RBFOX1: variants seen among roughly 807,000 people sequenced by gnomAD.
The protein encoded by RBFOX1 is RNA binding protein fox-1 homolog 1.
In RBFOX1, 8 loss-of-function variants were observed where a neutral mutation model predicts 57.7. The observed-to-expected ratio is 0.14, with a 90% confidence interval of 0.08 to 0.25. The LOEUF is 0.25. Ranked by LOEUF, RBFOX1 falls within the 10% of genes least tolerant of loss-of-function variation. The pLI is 1.00. For missense variants in RBFOX1, 611 were observed against 548.5 expected (o/e 1.11, Z -1.14); for synonymous variants, 326 against 222.4 (o/e 1.47, Z -4.15).
rs867346018 is a variant in RBFOX1 at position 6,637,326 on chromosome 16, T to A, written c.-63-17277T>A. 2.8e-3 allele frequency among the ~76,000 whole-genome samples: 65 copies of A among 23,124 alleles called. 1 individual carries two copies. The highest frequency in any genetic ancestry group is 0.056 in the Middle Eastern group (1 of 18). The allele number at this position is 23,124 out of a possible 152,430, so 15.2% of individuals were successfully genotyped here. On this transcript the variant is annotated intron_variant, in intron 2 of 15. Coordinates refer to ENST00000550418, the MANE Select transcript of RBFOX1 (RefSeq NM_018723.4). ...AAATATATATTATATATTATATATA[T>A]TATATAATATACAAATATATATTAT...
At chr16:7,055,245 C>G (rs189850571) in intron 4 of RBFOX1, among the ~76,000 whole-genome samples, 1 of 152,036 alleles carries the variant, frequency 6.6e-6, no homozygotes, top group Non-Finnish European at 1.5e-5. Context: ...CAGCTGACTA[C>G]GCAACACTTT....
Position 6,571,522 on chromosome 16 carries a change from G to A in RBFOX1, c.-63-83081G>A, listed in dbSNP as rs187719736. On this transcript the variant is annotated intron_variant, in intron 2 of 15. Coordinates refer to ENST00000550418, the MANE Select transcript of RBFOX1 (RefSeq NM_018723.4). Reference sequence around the variant, plus strand: ...CTACTTGGGTGAAATAAAAGGCAAGGGGTTTGTGTGCTGGGGTAGTCGGGG... The same window carrying A: ...CTACTTGGGTGAAATAAAAGGCAAGAGGTTTGTGTGCTGGGGTAGTCGGGG... Among the ~76,000 whole-genome samples the A allele has an allele frequency of 7.3e-3, 1,107 of 152,210 alleles. 15 individuals are homozygous for A. Among genetic ancestry groups the A allele is most frequent in the Non-Finnish European group, 0.013 (874 of 68,012 alleles).
At chr16:6,038,029 G>A (rs1454099987) in intron 1 of RBFOX1, 1 of 152,168 alleles carries the variant, frequency 6.6e-6, no homozygotes, top group Non-Finnish European at 1.5e-5. Context: ...AGTTAGAGAA[G>A]ATGGGAAGCA....
chr16:7,280,704 G>T (rs568595777), intron 4 of RBFOX1, among the ~76,000 whole-genome samples: 31 of 152,284 alleles, frequency 2.0e-4, no homozygotes, highest in African/African-American at 6.7e-4. Context: ...TTTTGGACCA[G>T]ATTGATAGTT....
chr16:7,624,876 C>A (rs1170625658), intron 10 of RBFOX1, among the ~76,000 whole-genome samples: 1 of 152,052 alleles, frequency 6.6e-6, no homozygotes, highest in African/African-American at 2.4e-5. Context: ...TGGTTTTGCG[C>A]CGATTGGATT....
chr16:6,565,246 TTTTTC>T (rs955643778), intron 2 of RBFOX1, among the ~76,000 whole-genome samples: 3 of 127,410 alleles, frequency 2.4e-5, no homozygotes, highest in African/African-American at 7.7e-5. Context: ...GTGAAATGAC[TTTTTC>T]TTTTCTTTTC....
intron 4 of RBFOX1, among the ~76,000 whole-genome samples, chr16:5,953,031 A>G (rs79851145): frequency 4.2e-5 from 6 of 144,096 alleles, no homozygotes; most frequent in Non-Finnish European, 6.1e-5. Flanking sequence ...GCCTGGCTAC[A>G]TGGTAGAATC....
chr16:5,918,643 G>A (rs979270984), intron 4 of RBFOX1, among the ~76,000 whole-genome samples: 1 of 152,202 alleles, frequency 6.6e-6, no homozygotes, highest in African/African-American at 2.4e-5. Flanking sequence ...ACAGTGAGCT[G>A]TAGGCATTCC....
At chr16:7,147,650 T>A (rs569297014) in intron 4 of RBFOX1, among the ~76,000 whole-genome samples, 1 of 152,312 alleles carries the variant, frequency 6.6e-6, no homozygotes, top group Non-Finnish European at 1.5e-5. Context: ...AACATGATTT[T>A]GTTCTTTTTT....
chr16:6,684,088 T>C (rs959399800), intron 3 of RBFOX1, among the ~76,000 whole-genome samples: 5 of 152,220 alleles, frequency 3.3e-5, no homozygotes, highest in African/African-American at 1.2e-4. Flanking sequence ...GTACACGGTA[T>C]GTTCAAGCAG....
chr16:7,009,956 C>G (rs766940811), intron 3 of RBFOX1, among the ~76,000 whole-genome samples: 1 of 151,924 alleles, frequency 6.6e-6, no homozygotes, highest in Admixed American at 6.6e-5. Context: ...GAAAAAGGGT[C>G]CAAAGCTATA....
chr16:7,481,020 A>G (rs866483682), intron 4 of RBFOX1, among the ~76,000 whole-genome samples: 3 of 152,140 alleles, frequency 2.0e-5, no homozygotes, highest in Non-Finnish European at 2.9e-5. Flanking sequence ...GATATGGCCA[A>G]AGAACCCTAG....
intron 4 of RBFOX1, among the ~76,000 whole-genome samples, chr16:7,112,491 G>T (rs904940352): frequency 3.3e-5 from 5 of 151,886 alleles, no homozygotes; most frequent in Admixed American, 1.3e-4. Context: ...ACAGGCATGA[G>T]CCACCGTGCC....
intron 10 of RBFOX1, among the ~76,000 whole-genome samples, chr16:7,618,150 C>T (rs2058757125): frequency 6.6e-6 from 1 of 152,042 alleles, no homozygotes; most frequent in Non-Finnish European, 1.5e-5. Flanking sequence ...TGCATAAGAC[C>T]TTAAAATTTT....
At chr16:7,592,129 C>G (rs1476840064) in intron 7 of RBFOX1, among the ~76,000 whole-genome samples, 1 of 152,108 alleles carries the variant, frequency 6.6e-6, no homozygotes, top group African/African-American at 2.4e-5. Context: ...GGAGCACATT[C>G]TTTCTGCACC....
At chr16:6,232,836 G>T (rs1177399403) in intron 1 of RBFOX1, among the ~76,000 whole-genome samples, 3 of 152,146 alleles carry the variant, frequency 2.0e-5, no homozygotes, top group Non-Finnish European at 4.4e-5. Flanking sequence ...GGGTCCCTAT[G>T]TGTTTGCAGG....
intron 3 of RBFOX1, among the ~76,000 whole-genome samples, chr16:6,861,487 T>A: frequency 7.5e-6 from 1 of 133,888 alleles, no homozygotes; most frequent in African/African-American, 2.8e-5. Context: ...CCCAACCCCC[T>A]CCCCCCCCGA....
rs112789711 is a variant in RBFOX1 at position 6,896,409 on chromosome 16, C to G, written c.-15-155648C>G. On this transcript the variant is annotated intron_variant, in intron 3 of 15. Transcript: ENST00000550418. Reference sequence around the variant, plus strand: ...TTCTTTTTTTCTTTAAACTCATCAACCATCCCTACTTTCCCCTCTTTCAGC... The same window carrying G: ...TTCTTTTTTTCTTTAAACTCATCAAGCATCCCTACTTTCCCCTCTTTCAGC... Among the ~76,000 whole-genome samples the G allele has an allele frequency of 3.3e-5, 5 of 152,206 alleles. 1 individual carries two copies. Among genetic ancestry groups the G allele is most frequent in the African/African-American group, 9.6e-5 (4 of 41,534 alleles).
At chr16:5,591,858 T>G (rs547420386) in intron 2 of RBFOX1, among the ~76,000 whole-genome samples, 1 of 152,302 alleles carries the variant, frequency 6.6e-6, no homozygotes, top group East Asian at 1.9e-4. Context: ...GTTATACTCA[T>G]GCAGATGTTT....
Sources: allele counts gnomAD v4.1 joint callset (sites outside exome capture counted in the v4.1 genomes callset), GRCh38; gene constraint gnomAD v4.1.1; transcripts MANE v1.5; gene names NCBI Gene and HGNC (gene_info 2026-07-23, HGNC 2026-07-21).